DENND2B: variants seen among roughly 807,000 people sequenced by gnomAD.
DENND2B encodes DENN domain containing 2B, also known as DENN domain-containing protein 2B.
In DENND2B, 32 loss-of-function variants were observed where a neutral mutation model predicts 116.0. That is an observed-to-expected ratio of 0.28 (90% CI 0.21 to 0.37). The LOEUF (loss-of-function observed/expected upper bound fraction) is 0.37, where lower values mean the gene tolerates loss of function less well. Ranked by LOEUF, DENND2B falls within the 10% of genes least tolerant of loss-of-function variation. DENND2B has a pLI of 1.00. For missense variants in DENND2B, 1,276 were observed against 1,477.7 expected, an observed-to-expected ratio of 0.86 and a Z score of 2.24; for synonymous variants, 588 against 583.9, an observed-to-expected ratio of 1.01 and a Z score of -0.10.
intron 2 of DENND2B, chr11:8,857,505 C>A (rs1016921494): frequency 6.6e-6 from 1 of 152,242 alleles, no homozygotes; most frequent in Non-Finnish European, 1.5e-5. Context: ...AACTCAAAGT[C>A]TTCAAGATGA....
chr11:8,782,417 A>G (rs1336870519), intron 1 of DENND2B, among the ~76,000 whole-genome samples: 1 of 152,000 alleles, frequency 6.6e-6, no homozygotes, highest in South Asian at 2.1e-4. Flanking sequence ...TATTTGTCCA[A>G]TTTTTTTTCC....
chr11:8,757,278 G>A (rs1029335592), intron 1 of DENND2B: 12 of 359,678 alleles, frequency 3.3e-5, no homozygotes, highest in Non-Finnish European at 6.5e-5. Context: ...AAAAATGTTT[G>A]TTCTTCCAGA....
chr11:8,734,808 AAAAG>A (rs2048717738), intron 2 of DENND2B, among the ~76,000 whole-genome samples: 1 of 151,522 alleles, frequency 6.6e-6, no homozygotes, highest in East Asian at 1.9e-4. Context: ...AAAAAAAAAA[AAAAG>A]AAAGATCACA....
intron 2 of DENND2B, among the ~76,000 whole-genome samples, chr11:8,862,615 G>T (rs139544293): frequency 6.6e-6 from 1 of 152,134 alleles, no homozygotes; most frequent in Non-Finnish European, 1.5e-5. Context: ...GATTACAGGT[G>T]AGTGCCACAG....
At chr11:8,696,841 T>C (rs1336077216) in intron 17 of DENND2B, among the ~76,000 whole-genome samples, 175 bp from the exon 18 acceptor site, 1 of 152,212 alleles carries the variant, frequency 6.6e-6, no homozygotes, top group Non-Finnish European at 1.5e-5. Context: ...TAGAGTGCAA[T>C]GGCGCCATCT....
At chr11:8,826,154 AC>A (rs2061971825) in intron 4 of DENND2B, among the ~76,000 whole-genome samples, 1 of 152,200 alleles carries the variant, frequency 6.6e-6, no homozygotes, top group Non-Finnish European at 1.5e-5. Context: ...GGAATAAAGA[AC>A]GCTCACAGAA....
At chr11:8,901,932 G>A (rs1301323679) in intron 1 of DENND2B, among the ~76,000 whole-genome samples, 5 of 152,180 alleles carry the variant, frequency 3.3e-5, no homozygotes, top group Non-Finnish European at 1.5e-5. Flanking sequence ...TGTGTATTGT[G>A]CTATTGTTGG....
In DENND2B at chr11:8,693,946, T is replaced by A; in HGVS notation, c.*150A>T. ...AGCAGATTATTTACAAACAGTATCC[T>A]GGGATATGATGAAGGCAGAGGTGGG... On this transcript the variant is annotated 3_prime_UTR_variant, in exon 20 of 20. Coordinates refer to ENST00000313726, the MANE Select transcript of DENND2B (RefSeq NM_213618.2). 1 of 703,488 alleles carries A rather than the reference T, an allele frequency of 1.4e-6. No individual in the cohort carries two copies. Among genetic ancestry groups the A allele is most frequent in the East Asian group, 2.6e-5 (1 of 38,630 alleles). The allele number at this position is 703,488 out of a possible 1,614,324, so 43.6% of individuals were successfully genotyped here. A position where few individuals can be genotyped will look rare whatever the true frequency, so the allele number is the denominator to read the frequency against.
chr11:8,751,977 A>G (rs1419857202), intron 1 of DENND2B, among the ~76,000 whole-genome samples: 2 of 152,244 alleles, frequency 1.3e-5, no homozygotes, highest in Non-Finnish European at 2.9e-5. Flanking sequence ...ATATTTACTG[A>G]GCACCCATGT....
intron 2 of DENND2B, among the ~76,000 whole-genome samples, chr11:8,867,208 A>G (rs1275701890): frequency 6.6e-6 from 1 of 152,202 alleles, no homozygotes; most frequent in Non-Finnish European, 1.5e-5. Flanking sequence ...TCAAAGCGGC[A>G]GACTAATTCT....
At chr11:8,724,416 G>C (rs143114259) in intron 4 of DENND2B, among the ~76,000 whole-genome samples, 5 of 152,326 alleles carry the variant, frequency 3.3e-5, no homozygotes, top group Non-Finnish European at 5.9e-5. Flanking sequence ...CCAAGACAGA[G>C]GCAAGACAGG....
intron 8 of DENND2B, among the ~76,000 whole-genome samples, chr11:8,713,113 A>G (rs949175387): frequency 5.1e-5 from 5 of 98,510 alleles, no homozygotes; most frequent in South Asian, 3.4e-4. Context: ...ACATGCTCCT[A>G]CATCCAAAGT....
chr11:8,714,620 T>C lies in DENND2B; in HGVS notation c.1932A>G (p.Ala644=). 7 of 1,614,030 alleles carry C rather than the reference T, an allele frequency of 4.3e-6. No individual in the cohort carries two copies. The highest frequency in any genetic ancestry group is 5.9e-6 in the Non-Finnish European group (7 of 1,179,920). ...GGCACCAAAGCCTACCTCTCAGTGA[T>C]GCTGTTTCAATGCTGGACATAGACA... ...KKLSMSSIET[A]SLRDENSESE... The change falls in exon 7 of 20, where the codon GCA becomes GCG. Residue 644 remains alanine, a synonymous_variant. Transcript: ENST00000313726.
chr11:8,738,498 A>T (rs559885546), intron 2 of DENND2B, among the ~76,000 whole-genome samples: 1 of 152,230 alleles, frequency 6.6e-6, no homozygotes, highest in East Asian at 1.9e-4. Context: ...CTCCTGCTTC[A>T]AGCATCTGGA....
chr11:8,717,917 A>C (rs2045242711), intron 4 of DENND2B, 25 bp from the exon 5 acceptor site: 1 of 1,598,318 alleles, frequency 6.3e-7, no homozygotes, highest in South Asian at 1.1e-5. Flanking sequence ...GAGTTAGAGA[A>C]GGGGGAGAAG....
At chr11:8,817,278 TATG>T (rs1286355166) in intron 4 of DENND2B, among the ~76,000 whole-genome samples, 2 of 152,158 alleles carry the variant, frequency 1.3e-5, no homozygotes, top group Admixed American at 6.5e-5. Context: ...ACCTGGGTGC[TATG>T]AGGGCCTTCA....
At chr11:8,817,739 A>C (rs1264280945) in intron 4 of DENND2B, among the ~76,000 whole-genome samples, 1 of 152,062 alleles carries the variant, frequency 6.6e-6, no homozygotes, top group Non-Finnish European at 1.5e-5. Context: ...AGATACTCAC[A>C]ACATAGGTAC....
In DENND2B at chr11:8,750,642, G is replaced by A. The variant is rs544162437; in HGVS notation, c.59C>T (p.Ala20Val). The change falls in exon 2 of 20, where the codon GCC becomes GTC. Residue 20 changes from alanine to valine, a missense_variant. This residue lies in a region of DENND2B where 856 missense variants were observed against 846.6 expected (regional missense o/e 1.01). Coordinates refer to ENST00000313726, the MANE Select transcript of DENND2B (RefSeq NM_213618.2). Reference protein sequence around the residue: ...SITHGAGGTKAPRGTLSRSQS... With the variant: ...SITHGAGGTKVPRGTLSRSQS... ...CCACCTGCTCAGAGTCCCCCGAGGGGCTTTAGTGCCACCAGCTCCGTGGGT... is the reference window on the plus strand; with the variant it reads ...CCACCTGCTCAGAGTCCCCCGAGGGACTTTAGTGCCACCAGCTCCGTGGGT... The A allele has an allele frequency of 1.2e-6, 2 of 1,614,120 alleles. No homozygotes were observed. The highest frequency in any genetic ancestry group is 2.2e-5 in the East Asian group (1 of 44,870).
intron 5 of DENND2B, 95 bp downstream of exon 5, chr11:8,717,646 A>G: frequency 2.1e-6 from 3 of 1,435,632 alleles, no homozygotes; most frequent in South Asian, 1.6e-5. Flanking sequence ...GTGAGGGTAA[A>G]AGCCTGAGTG....
Sources: gnomAD v4.1 joint callset for allele counts (sites outside exome capture counted in the v4.1 genomes callset) on GRCh38, gnomAD v4.1.1 for gene constraint, gnomAD v4.1.1 regional missense constraint, MANE v1.5 for transcripts, NCBI Gene and HGNC (gene_info 2026-07-23, HGNC 2026-07-21) for gene names.